GNAQ: variants seen among roughly 807,000 people sequenced by gnomAD.
GNAQ encodes the protein guanine nucleotide-binding protein G(q) subunit alpha.
GNAQ carries 8 observed loss-of-function variants against 43.9 expected under a neutral mutation model. The observed-to-expected ratio is 0.18, with a 90% confidence interval of 0.11 to 0.33. GNAQ has a LOEUF of 0.33. Among genes scored for constraint, GNAQ ranks in the 10% least tolerant of loss-of-function variants. The probability of loss-of-function intolerance (pLI) is 1.00; values close to 1 mark genes in which losing one functional copy is unlikely to be tolerated. For missense variants in GNAQ, 158 were observed against 450.8 expected, an observed-to-expected ratio of 0.35 and a Z score of 5.88; for synonymous variants, 155 against 170.7, an observed-to-expected ratio of 0.91 and a Z score of 0.71.
chr9:77,718,180 C>G lies in GNAQ; in HGVS notation c.*3143G>C. On this transcript the variant is annotated 3_prime_UTR_variant, in exon 7 of 7. Transcript: ENST00000286548. ...TTTTGAATAAGACATGCCCAAGTCA[C>G]CATAAAACTCACCACAGGCCTCCAT... 1 of 232,846 alleles carries G rather than the reference C, an allele frequency of 4.3e-6. No individual in the cohort carries two copies. The highest frequency in any genetic ancestry group is 6.0e-5 in the East Asian group (1 of 16,558). 14.4% of individuals were successfully genotyped at this position (232,846 alleles called of 1,614,324 possible). A position where few individuals can be genotyped will look rare whatever the true frequency, so the allele number is the denominator to read the frequency against.
chr9:77,909,863 T>C (rs553650127), intron 2 of GNAQ, among the ~76,000 whole-genome samples: 1 of 152,230 alleles, frequency 6.6e-6, no homozygotes, highest in South Asian at 2.1e-4. Flanking sequence ...GAAGAGCTTA[T>C]TTTTTTCTCT....
At chr9:78,029,729 T>C (rs1427239585) in intron 1 of GNAQ, among the ~76,000 whole-genome samples, 2 of 152,204 alleles carry the variant, frequency 1.3e-5, no homozygotes, top group Non-Finnish European at 2.9e-5. Context: ...CAAAGGCAAT[T>C]GGTTCCTTGA....
intron 5 of GNAQ, among the ~76,000 whole-genome samples, chr9:77,788,551 G>A (rs1826519662): frequency 6.6e-6 from 1 of 152,118 alleles, no homozygotes; most frequent in Non-Finnish European, 1.5e-5. Flanking sequence ...TGGCTTCTGG[G>A]GAAGGAGAGA....
intron 1 of GNAQ, among the ~76,000 whole-genome samples, chr9:78,024,923 A>T: frequency 6.6e-6 from 1 of 152,170 alleles, no homozygotes; most frequent in Non-Finnish European, 1.5e-5. Flanking sequence ...TCATAATTTG[A>T]TTTTTAAGTA....
intron 2 of GNAQ, among the ~76,000 whole-genome samples, chr9:77,873,270 C>T (rs1362410990): frequency 6.6e-6 from 1 of 152,082 alleles, no homozygotes; most frequent in Admixed American, 6.5e-5. Flanking sequence ...GGTGGTTGGG[C>T]ACAAAAAGGA....
At chr9:77,988,067 C>A (rs755464419) in intron 1 of GNAQ, among the ~76,000 whole-genome samples, 1 of 152,130 alleles carries the variant, frequency 6.6e-6, no homozygotes, top group African/African-American at 2.4e-5. Context: ...AGGTCAAAGT[C>A]CCTGAGACAG....
chr9:78,031,386 C>T lies in GNAQ; in HGVS notation c.-151G>A. On this transcript the variant is annotated 5_prime_UTR_variant, in exon 1 of 7. Coordinates refer to ENST00000286548, the MANE Select transcript of GNAQ (RefSeq NM_002072.5). ...CCGGGACGAGCTCCGGGAACCGCCG[C>T]GGGGGCGGCGGCCAGGGCCGGGGCC... 2 of 369,504 alleles carry T rather than the reference C, an allele frequency of 5.4e-6. No individual in the cohort carries two copies. The highest frequency in any genetic ancestry group is 6.0e-5 in the East Asian group (1 of 16,782). 22.9% of individuals were successfully genotyped at this position (369,504 alleles called of 1,614,324 possible).
At chr9:77,939,831 T>C (rs887085342) in intron 1 of GNAQ, among the ~76,000 whole-genome samples, 1 of 152,194 alleles carries the variant, frequency 6.6e-6, no homozygotes, top group Non-Finnish European at 1.5e-5. Context: ...CTCTTTTGCA[T>C]ATTAAGAATA....
chr9:77,899,659 C>T (rs932387181), intron 2 of GNAQ, among the ~76,000 whole-genome samples: 1 of 151,878 alleles, frequency 6.6e-6, no homozygotes. Flanking sequence ...GTGGGTGGCA[C>T]GTGCAAAGGC....
chr9:77,863,752 G>A (rs1220748213), intron 2 of GNAQ, among the ~76,000 whole-genome samples: 1 of 152,152 alleles, frequency 6.6e-6, no homozygotes, highest in African/African-American at 2.4e-5. Flanking sequence ...ATGATGGAAG[G>A]CAAGGAGGAG....
intron 5 of GNAQ, among the ~76,000 whole-genome samples, chr9:77,759,612 A>C (rs550947783): frequency 2.6e-5 from 4 of 152,230 alleles, no homozygotes; most frequent in Admixed American, 2.6e-4. Flanking sequence ...TAGAGTTTGG[A>C]CTGACTTATG....
At chr9:77,765,855 A>G (rs1399716839) in intron 5 of GNAQ, among the ~76,000 whole-genome samples, 1 of 152,260 alleles carries the variant, frequency 6.6e-6, no homozygotes, top group African/African-American at 2.4e-5. Context: ...GGATGACTGG[A>G]TAAACAAAAT....
chr9:77,752,430 G>C (rs935197415), intron 5 of GNAQ, among the ~76,000 whole-genome samples: 2 of 152,212 alleles, frequency 1.3e-5, no homozygotes, highest in African/African-American at 4.8e-5. Flanking sequence ...AGTAGGTACT[G>C]AATGTGTGCT....
intron 6 of GNAQ, among the ~76,000 whole-genome samples, chr9:77,724,892 A>C (rs1587884113): frequency 1.3e-5 from 2 of 152,054 alleles, no homozygotes; most frequent in African/African-American, 2.4e-5. Context: ...ATATATAATT[A>C]ATGTTCCATC....
chr9:78,003,779 G>T (rs1186544384), intron 1 of GNAQ, among the ~76,000 whole-genome samples: 2 of 149,582 alleles, frequency 1.3e-5, no homozygotes, highest in Non-Finnish European at 3.0e-5. Context: ...TAGCGTCATT[G>T]CACTCCATTC....
intron 1 of GNAQ, among the ~76,000 whole-genome samples, chr9:77,951,893 C>T (rs1037792313): frequency 5.3e-5 from 8 of 152,212 alleles, no homozygotes; most frequent in Non-Finnish European, 1.0e-4. Flanking sequence ...GTGCATGTGA[C>T]GCAAAGCAGG....
At chr9:77,941,899 AACATACATACACAC>A (rs1829319286) in intron 1 of GNAQ, among the ~76,000 whole-genome samples, 1 of 122,666 alleles carries the variant, frequency 8.2e-6, no homozygotes, top group African/African-American at 3.2e-5. Flanking sequence ...ACTTACATAC[AACATACATACACAC>A]ACACACACAC....
intron 2 of GNAQ, among the ~76,000 whole-genome samples, chr9:77,839,915 C>A (rs75858939): frequency 0.012 from 1,768 of 152,302 alleles, 28 homozygotes; most frequent in African/African-American, 0.036. Flanking sequence ...TGACAGAGAG[C>A]TTTGTTTCTT....
chr9:77,870,318 G>C (rs940137583), intron 2 of GNAQ, among the ~76,000 whole-genome samples: 1 of 148,770 alleles, frequency 6.7e-6, no homozygotes, highest in Non-Finnish European at 1.5e-5. Flanking sequence ...CCTTTTTTTG[G>C]TGCTAGTTTT....
Sources: allele counts gnomAD v4.1 joint callset (sites outside exome capture counted in the v4.1 genomes callset), GRCh38; gene constraint gnomAD v4.1.1; transcripts MANE v1.5; gene names NCBI Gene and HGNC (gene_info 2026-07-23, HGNC 2026-07-21).